Variants in HS6ST2 observed in about 807,000 individuals in gnomAD.
HS6ST2 encodes heparan sulfate 6-O-sulfotransferase 2.
Under a neutral mutation model 33.0 loss-of-function variants are expected in HS6ST2, and 17 were observed. The ratio of observed to expected loss-of-function variants is 0.52; its 90% CI spans 0.35 to 0.77. The LOEUF is 0.77. Among genes scored for constraint, HS6ST2 ranks in the 30% least tolerant of loss-of-function variants. The pLI is 0.01. For missense variants in HS6ST2, 519 were observed against 551.7 expected (o/e 0.94, Z 0.59); for synonymous variants, 248 against 237.1 (o/e 1.05, Z -0.42).
At chrX:132,910,868 G>C (rs887016763) in intron 2 of HS6ST2, among the ~76,000 whole-genome samples, 2 of 111,763 alleles carry the variant, frequency 1.8e-5, no homozygotes, top group Non-Finnish European at 3.8e-5. Context: ...TCTTAGAAGG[G>C]GCTGGGTGTG....
Position 132,788,794 on chromosome X carries a change from T to C in HS6ST2, c.948-80300A>G, listed in dbSNP as rs144792573. ...GCCTTATTGCGGATATGGAGAACAT[T>C]TTAGTGGTCTGGATAGATCAAAACA... On this transcript the variant is annotated intron_variant, in intron 2 of 4. Coordinates refer to ENST00000370833, the MANE Select transcript of HS6ST2 (RefSeq NM_001394073.1). Among the ~76,000 whole-genome samples the C allele has an allele frequency of 5.5e-3, 621 of 112,751 alleles. 5 individuals are homozygous for C. The highest frequency in any genetic ancestry group is 0.046 in the South Asian group (125 of 2,739).
chrX:132,960,615 G>T (rs2067136230), upstream of HS6ST2, among the ~76,000 whole-genome samples: 1 of 110,590 alleles, frequency 9.0e-6, no homozygotes, highest in Non-Finnish European at 1.9e-5. Context: ...GAAAAGGAAG[G>T]TGTCCACACA....
At chrX:132,794,250 C>G (rs1320414662) in intron 2 of HS6ST2, among the ~76,000 whole-genome samples, 1 of 111,776 alleles carries the variant, frequency 8.9e-6, no homozygotes, top group Admixed American at 9.5e-5. Context: ...GATGAGGGAA[C>G]CTGTCCACCA....
chrX:132,628,311 C>G lies in HS6ST2; in HGVS notation c.1850G>C (p.Ser617Thr). 8.6e-7 allele frequency: 1 copy of G among 1,167,993 alleles called. No individual in the cohort carries two copies. The highest frequency in any genetic ancestry group is 1.9e-5 in the South Asian group (1 of 52,816). The change falls in exon 5 of 5, where the codon AGC (serine) becomes ACC (threonine). Residue 617 changes from serine to threonine, a missense_variant. Physicochemically the swap from Ser to Thr is moderately conservative, Grantham distance 58. Transcript: ENST00000370833. ...QSLSQKENRE[S>T]PKQNSGKEQN... ...CTCCTTGCCTGAGTTCTGCTTCGGG[C>G]TTTCCCGGTTCTCCTTCTGGCTCAA...
At chrX:132,702,585 A>G (rs775828712) in intron 3 of HS6ST2, among the ~76,000 whole-genome samples, 2 of 112,083 alleles carry the variant, frequency 1.8e-5, no homozygotes, top group East Asian at 5.6e-4. Flanking sequence ...ATATCATGAA[A>G]TGGAGGAAAC....
chrX:132,934,505 T>G lies in HS6ST2; in HGVS notation c.947+22303A>C, dbSNP rs80097738. Among the ~76,000 whole-genome samples the G allele has an allele frequency of 3.5e-3, 392 of 112,032 alleles. 4 individuals carry two copies. Among genetic ancestry groups the G allele is most frequent in the East Asian group, 0.027 (97 of 3,592 alleles). On this transcript the variant is annotated intron_variant, in intron 2 of 4. Coordinates refer to ENST00000370833, the MANE Select transcript of HS6ST2 (RefSeq NM_001394073.1). ...AGAGAGAAGAAGAAACAGAGCTATC[T>G]AGGAAAACACTTAAAGAGCTTATTG...
chrX:132,915,732 C>CTT (rs146550837), intron 2 of HS6ST2, among the ~76,000 whole-genome samples: 16 of 102,437 alleles, frequency 1.6e-4, no homozygotes, highest in South Asian at 4.3e-4. Context: ...TCATTGGTAA[C>CTT]TTTTTTTTTT....
intron 2 of HS6ST2, among the ~76,000 whole-genome samples, chrX:132,744,866 G>A (rs748678840): frequency 1.8e-4 from 20 of 111,895 alleles, no homozygotes; most frequent in Non-Finnish European, 3.4e-4. Flanking sequence ...CTCACTCACC[G>A]TTTAAAATTA....
chrX:132,951,906 A>G (rs745610695), intron 2 of HS6ST2, among the ~76,000 whole-genome samples: 1 of 112,610 alleles, frequency 8.9e-6, no homozygotes, highest in East Asian at 2.8e-4. Context: ...TTTTAATTAA[A>G]TATCTAAAGT....
chrX:132,652,195 A>C (rs2063698293), intron 4 of HS6ST2, among the ~76,000 whole-genome samples: 1 of 111,318 alleles, frequency 9.0e-6, no homozygotes, highest in Non-Finnish European at 1.9e-5. Context: ...CCACCTCCAC[A>C]AAGTTCTCCA....
intron 4 of HS6ST2, chrX:132,667,632 G>A (rs1482085748): frequency 8.9e-6 from 1 of 112,011 alleles, no homozygotes; most frequent in East Asian, 2.8e-4. Context: ...ACAAGGGAAG[G>A]CCCCTTTGGA....
intron 4 of HS6ST2, among the ~76,000 whole-genome samples, chrX:132,658,535 G>A (rs908471300): frequency 3.6e-5 from 4 of 110,672 alleles, no homozygotes; most frequent in Non-Finnish European, 5.7e-5. Context: ...ATCAGAGCAC[G>A]TTGTGCTTTG....
At chrX:132,780,392 A>G (rs62599024) in intron 2 of HS6ST2, among the ~76,000 whole-genome samples, 33,616 of 110,158 alleles carry the variant, frequency 0.31, 4,060 homozygotes, top group Non-Finnish European at 0.35. Flanking sequence ...TACCATTTAT[A>G]GAGCACTTAC....
intron 2 of HS6ST2, among the ~76,000 whole-genome samples, chrX:132,864,992 T>G (rs1322964421): frequency 9.0e-6 from 1 of 110,917 alleles, no homozygotes; most frequent in Non-Finnish European, 1.9e-5. Context: ...TTATTATTAT[T>G]ATACTTTAAA....
rs189087688 is a variant in HS6ST2, at chrX:132,869,647, G to A, written c.947+87161C>T. On this transcript the variant is annotated intron_variant, in intron 2 of 4. Coordinates refer to ENST00000370833, the MANE Select transcript of HS6ST2 (RefSeq NM_001394073.1). ...CAATAAACGTAATCCATCACAAAAA[G>A]AGAACCAATGACAAAAACCACATGA... Among the ~76,000 whole-genome samples the A allele has an allele frequency of 4.5e-5, 5 of 111,527 alleles. No individual in the cohort carries two copies. The East Asian group carries it at 1.1e-3, about 25-fold the overall frequency.
chrX:132,794,166 C>G (rs930832283), intron 2 of HS6ST2, among the ~76,000 whole-genome samples: 4 of 112,119 alleles, frequency 3.6e-5, no homozygotes, highest in Admixed American at 9.5e-5. Flanking sequence ...AAATCTCAAA[C>G]TAGCTCTCAT....
chrX:132,929,676 ATG>A (rs2066745402), intron 2 of HS6ST2, among the ~76,000 whole-genome samples: 1 of 111,991 alleles, frequency 8.9e-6, no homozygotes, highest in Non-Finnish European at 1.9e-5. Flanking sequence ...GCCATTCTAA[ATG>A]TGTGTGTAAC....
intron 2 of HS6ST2, among the ~76,000 whole-genome samples, chrX:132,916,173 CAAG>C (rs1352772368): frequency 9.0e-6 from 1 of 111,637 alleles, no homozygotes; most frequent in South Asian, 3.8e-4. Flanking sequence ...GAGTGGCAGT[CAAG>C]AAGCCTGAGT....
intron 4 of HS6ST2, among the ~76,000 whole-genome samples, chrX:132,643,871 T>C (rs1395107680): frequency 8.9e-6 from 1 of 111,886 alleles, no homozygotes; most frequent in Non-Finnish European, 1.9e-5. Context: ...AGAACCTCCC[T>C]TAGATTCTTC....
Sources: gnomAD v4.1 joint callset for allele counts (sites outside exome capture counted in the v4.1 genomes callset) on GRCh38, gnomAD v4.1.1 for gene constraint, MANE v1.5 for transcripts, NCBI Gene and HGNC (gene_info 2026-07-23, HGNC 2026-07-21) for gene names.